The following RARB variants were observed in gnomAD, a reference collection of about 807,000 sequenced individuals.
The protein encoded by RARB is retinoic acid receptor beta.
In RARB, 17 loss-of-function variants were observed where a neutral mutation model predicts 51.9. That is an observed-to-expected ratio of 0.33 (90% CI 0.22 to 0.49). RARB has a LOEUF of 0.49. Ranked by LOEUF, RARB falls within the 20% of genes least tolerant of loss-of-function variation. RARB has a pLI of 0.99. For synonymous variants in RARB, 215 were observed against 195.4 expected (o/e 1.10, Z -0.84); for missense variants, 369 against 550.8 (o/e 0.67, Z 3.30).
Position 25,346,159 on chromosome 3 carries a change from A to G in RARB, c.179-115034A>G, listed in dbSNP as rs571475988. On this transcript the variant is annotated intron_variant, in intron 5 of 11. Transcript: ENST00000383772. ...TTGTCCTTATTCAGATACAACTTCCATACCTTTTCCGTTTATTTTTAATCT... is the reference window on the plus strand; with the variant it reads ...TTGTCCTTATTCAGATACAACTTCCGTACCTTTTCCGTTTATTTTTAATCT... Among the ~76,000 whole-genome samples the G allele has an allele frequency of 1.1e-4, 16 of 152,248 alleles. 1 individual carries two copies. Among genetic ancestry groups the G allele is most frequent in the Admixed American group, 4.6e-4 (7 of 15,298 alleles).
At chr3:25,345,982 G>A (rs145867879) in intron 5 of RARB, 10,363 of 656,940 alleles carry the variant, frequency 0.016, 122 homozygotes, top group Non-Finnish European at 0.018. Flanking sequence ...TTTGGGGCTG[G>A]CTCCGATGAG....
intron 5 of RARB, among the ~76,000 whole-genome samples, chr3:25,196,360 G>A (rs1028936295): frequency 6.6e-6 from 1 of 151,948 alleles, no homozygotes; most frequent in Non-Finnish European, 1.5e-5. Flanking sequence ...TCAGAATGAT[G>A]GTTTCCAGCT....
At chr3:24,915,070 G>T (rs1575069634) in intron 2 of RARB, among the ~76,000 whole-genome samples, 1 of 152,192 alleles carries the variant, frequency 6.6e-6, no homozygotes, top group Non-Finnish European at 1.5e-5. Context: ...TGCACTTAGT[G>T]GTTAGTGGGG....
chr3:25,130,108 T>G (rs151187918), intron 3 of RARB, among the ~76,000 whole-genome samples: 285 of 152,172 alleles, frequency 1.9e-3, no homozygotes, highest in African/African-American at 6.2e-3. Context: ...AATAAGACTG[T>G]GCCATAGGAC....
At chr3:25,143,490 G>A (rs1449689461) in intron 4 of RARB, among the ~76,000 whole-genome samples, 1 of 152,172 alleles carries the variant, frequency 6.6e-6, no homozygotes, top group Non-Finnish European at 1.5e-5. Context: ...CCTCCAGTAG[G>A]GAGGCATTCC....
At chr3:25,473,456 C>A (rs1695798926) in intron 2 of RARB, among the ~76,000 whole-genome samples, 1 of 152,172 alleles carries the variant, frequency 6.6e-6, no homozygotes, top group South Asian at 2.1e-4. Context: ...AGATGACATT[C>A]CTTTGCTAGC....
At chr3:25,243,504 T>G (rs1288637132) in intron 5 of RARB, among the ~76,000 whole-genome samples, 1 of 152,090 alleles carries the variant, frequency 6.6e-6, no homozygotes, top group Non-Finnish European at 1.5e-5. Flanking sequence ...GTTTATTGAG[T>G]GTTTTTAGCC....
At chr3:25,080,871 A>C (rs899134288) in intron 3 of RARB, among the ~76,000 whole-genome samples, 7 of 152,036 alleles carry the variant, frequency 4.6e-5, no homozygotes, top group African/African-American at 1.7e-4. Context: ...CAAAGTTCTT[A>C]ATTTTGATGA....
chr3:25,495,625 T>C (rs78232520), intron 2 of RARB, among the ~76,000 whole-genome samples: 6,548 of 152,266 alleles, frequency 0.043, 477 homozygotes, highest in African/African-American at 0.15. Flanking sequence ...TTTTTGGTTG[T>C]ACCTCAGTTC....
At chr3:25,089,127 A>C (rs943381620) in intron 3 of RARB, among the ~76,000 whole-genome samples, 2 of 152,000 alleles carry the variant, frequency 1.3e-5, no homozygotes, top group Non-Finnish European at 2.9e-5. Context: ...GTTAGAAATA[A>C]TAGAGTGAGC....
intron 5 of RARB, among the ~76,000 whole-genome samples, chr3:25,359,468 G>A (rs1356221794): frequency 6.6e-6 from 1 of 151,090 alleles, no homozygotes; most frequent in Non-Finnish European, 1.5e-5. Context: ...TCAATTCTCT[G>A]TCTCTTTCAG....
At chr3:25,125,205 A>T (rs1411250590) in intron 3 of RARB, among the ~76,000 whole-genome samples, 1 of 152,244 alleles carries the variant, frequency 6.6e-6, no homozygotes, top group African/African-American at 2.4e-5. Context: ...GATTCAGAGA[A>T]AGACGAAGTT....
chr3:25,508,397 A>G (rs979461087), intron 3 of RARB, among the ~76,000 whole-genome samples: 1 of 152,186 alleles, frequency 6.6e-6, no homozygotes, highest in Non-Finnish European at 1.5e-5. Flanking sequence ...CTTTACTGTT[A>G]AACTTAGATT....
At chr3:24,861,491 TAC>T (rs1702746107) in intron 2 of RARB, among the ~76,000 whole-genome samples, 1 of 151,944 alleles carries the variant, frequency 6.6e-6, no homozygotes, top group South Asian at 2.1e-4. Context: ...GATCTATGTA[TAC>T]AGTTATGCCT....
chr3:25,492,868 C>T, intron 2 of RARB, among the ~76,000 whole-genome samples: 1 of 152,128 alleles, frequency 6.6e-6, no homozygotes, highest in Non-Finnish European at 1.5e-5. Context: ...CCAGAAGATA[C>T]CCTCCAAGTT....
chr3:25,353,085 T>TA (rs1705625423), intron 5 of RARB, among the ~76,000 whole-genome samples: 1 of 152,174 alleles, frequency 6.6e-6, no homozygotes, highest in Admixed American at 6.6e-5. Context: ...GTGAAGTTTC[T>TA]AACTGCCTTT....
At chr3:24,947,613 G>A (rs1157418720) in intron 2 of RARB, among the ~76,000 whole-genome samples, 2 of 152,184 alleles carry the variant, frequency 1.3e-5, no homozygotes, top group South Asian at 4.1e-4. Context: ...AAGTACAGAT[G>A]ACCTTCAGTG....
intron 5 of RARB, among the ~76,000 whole-genome samples, chr3:25,275,772 C>T (rs184251951): frequency 1.9e-4 from 19 of 100,268 alleles, no homozygotes; most frequent in Admixed American, 1.5e-3. Flanking sequence ...CCGGGCTTGT[C>T]GTGGGGTGGA....
At chr3:25,180,530 C>T (rs535294218) in intron 5 of RARB, among the ~76,000 whole-genome samples, 33 of 152,168 alleles carry the variant, frequency 2.2e-4, no homozygotes, top group African/African-American at 6.0e-4. Context: ...TGGCCTTGAG[C>T]GATGGGAGAT....
Sources: gnomAD v4.1 joint callset for allele counts (sites outside exome capture counted in the v4.1 genomes callset) on GRCh38, gnomAD v4.1.1 for gene constraint, MANE v1.5 for transcripts, NCBI Gene and HGNC (gene_info 2026-07-23, HGNC 2026-07-21) for gene names.